Variants in STAG2 observed in about 807,000 individuals in gnomAD.
STAG2 encodes STAG2 cohesin complex component.
STAG2 carries 14 observed loss-of-function variants against 108.1 expected under a neutral mutation model. The observed-to-expected ratio is 0.13, with a 90% CI of 0.09 to 0.20. STAG2 has a LOEUF of 0.20. STAG2 is among the 10% of genes least tolerant of loss of function. The pLI, the probability that STAG2 is intolerant of heterozygous loss-of-function variation, is 1.00. For missense variants in STAG2, 440 were observed against 940.9 expected (o/e 0.47, Z 6.96); for synonymous variants, 307 against 302.7 (o/e 1.01, Z -0.15).
At chrX:124,047,576 T>C (rs1430008632) in intron 9 of STAG2, 71 bp downstream of exon 9, 2 of 867,101 alleles carry the variant, frequency 2.3e-6, no homozygotes, top group Non-Finnish European at 3.3e-6. Context: ...GATATAACTT[T>C]GCTAGTGGCT....
rs375072936 is a variant in STAG2 at position 124,061,359 on chromosome X, T to A, written c.1534+18T>A. The A allele has an allele frequency of 8.1e-6, 9 of 1,112,111 alleles. No individual in the cohort carries two copies. The highest frequency in any genetic ancestry group is 1.8e-5 in the African/African-American group (1 of 55,259). 91.7% of individuals were successfully genotyped at this position (1,112,111 alleles called of 1,213,427 possible). On this transcript the variant is annotated intron_variant, in intron 16 of 34. Transcript: ENST00000371145. Reference sequence around the variant, plus strand: ...AGAGGAAGGTAAGGATGTTTAATTATGATATTTTTGTTTAGACAGTTTTGT... The same window carrying A: ...AGAGGAAGGTAAGGATGTTTAATTAAGATATTTTTGTTTAGACAGTTTTGT...
chrX:124,084,262 G>A (rs1198037994), intron 29 of STAG2, among the ~76,000 whole-genome samples: 1 of 111,224 alleles, frequency 9.0e-6, no homozygotes, highest in African/African-American at 3.3e-5. Context: ...AATGTATGGT[G>A]ATAAAAATTA....
intron 1 of STAG2, among the ~76,000 whole-genome samples, chrX:124,017,173 A>AT (rs2056758056): frequency 9.2e-6 from 1 of 109,125 alleles, no homozygotes; most frequent in African/African-American, 3.3e-5. Flanking sequence ...GTAGCTTTTC[A>AT]TTTTTTTGTC....
intron 1 of STAG2, among the ~76,000 whole-genome samples, chrX:124,010,700 TATA>T (rs1409857050): frequency 1.8e-5 from 2 of 111,431 alleles, no homozygotes; most frequent in Non-Finnish European, 3.8e-5. Context: ...GTTGTTTTGT[TATA>T]ATGTTGATGA....
chrX:124,095,531 C>A, intron 34 of STAG2, 82 bp downstream of exon 34: 1 of 746,453 alleles, frequency 1.3e-6, no homozygotes, highest in Non-Finnish European at 2.1e-6. Flanking sequence ...AGACCTGGGG[C>A]AGCATACTGA....
In STAG2 at chrX:124,015,758, T is replaced by C. The variant is rs142313396; in HGVS notation, c.-162-5609T>C. Among the ~76,000 whole-genome samples, 806 of 112,257 alleles carry C rather than the reference T, an allele frequency of 7.2e-3. 7 individuals carry two copies. Among genetic ancestry groups the C allele is most frequent in the African/African-American group, 0.025 (758 of 30,935 alleles). The stretch of plus-strand genomic sequence containing the variant: ...AGATATTTATGTCCACATTTTGGGT[T>C]AGCTTTTCATTTTTTTGCCCGCATG... On this transcript the variant is annotated intron_variant, in intron 1 of 34. Coordinates refer to ENST00000371145, the MANE Select transcript of STAG2 (RefSeq NM_001042750.2).
Position 124,094,935 on chromosome X carries a change from GT to G in STAG2, c.3706-427del, listed in dbSNP as rs111768143. Among the ~76,000 whole-genome samples, 99 of 106,874 alleles carry G rather than the reference GT, an allele frequency of 9.3e-4. No individual in the cohort carries two copies. The Middle Eastern group carries it at 0.02, about 21-fold the overall frequency. The allele number at this position is 106,874 out of a possible 115,157, so 92.8% of individuals were successfully genotyped here. ...TGTCTCTTAGGATAATTTTCCATGA[GT>G]TTTTTTTTTGAGATGGAGTCTTGCT... On this transcript the variant is annotated intron_variant, in intron 33 of 34. Coordinates refer to ENST00000371145, the MANE Select transcript of STAG2 (RefSeq NM_001042750.2).
At chrX:124,087,731 G>T (rs1409128252) in intron 30 of STAG2, among the ~76,000 whole-genome samples, 3 of 112,438 alleles carry the variant, frequency 2.7e-5, no homozygotes, top group Non-Finnish European at 5.6e-5. Context: ...GAGATTCTAG[G>T]GGAGAGGACA....
chrX:124,054,244 T>C (rs1372018910), intron 13 of STAG2, among the ~76,000 whole-genome samples: 2 of 112,320 alleles, frequency 1.8e-5, no homozygotes, highest in African/African-American at 6.5e-5. Flanking sequence ...ATTAAATTAG[T>C]ATGTAAGATA....
At chrX:124,005,814 C>T (rs2056257959) in intron 1 of STAG2, among the ~76,000 whole-genome samples, 1 of 111,182 alleles carries the variant, frequency 9.0e-6, no homozygotes, top group Admixed American at 9.6e-5. Flanking sequence ...ATTTATTGTT[C>T]TGGAGGCAAG....
chrX:124,053,208 T>A (rs925232355), intron 13 of STAG2, among the ~76,000 whole-genome samples: 2 of 112,359 alleles, frequency 1.8e-5, no homozygotes, highest in Non-Finnish European at 3.8e-5. Flanking sequence ...ACCAAGCACT[T>A]GGGTGGTATG....
chrX:124,044,764 A>G (rs1332391047), intron 7 of STAG2, among the ~76,000 whole-genome samples: 1 of 112,349 alleles, frequency 8.9e-6, no homozygotes, highest in East Asian at 2.8e-4. Flanking sequence ...TATACATCAT[A>G]CATTTTATTT....
At chrX:123,980,616 A>C (rs940883154) in intron 1 of STAG2, among the ~76,000 whole-genome samples, 1 of 111,753 alleles carries the variant, frequency 8.9e-6, no homozygotes, top group Non-Finnish European at 1.9e-5. Context: ...TTCTTCTCCC[A>C]CACTGGGTCC....
chrX:124,041,664 CTCTCTCTTTCTCAGTCTGATGCCCCA>C (rs1265741742), intron 6 of STAG2, among the ~76,000 whole-genome samples: 1 of 111,084 alleles, frequency 9.0e-6, no homozygotes, highest in East Asian at 2.8e-4. Flanking sequence ...CTGCCCCCAT[CTCTCTCTTTCTCAGTCTGATGCCCCA>C]TCAGTGGAAG....
chrX:124,020,291 G>A (rs2056881617), intron 1 of STAG2, among the ~76,000 whole-genome samples: 1 of 111,662 alleles, frequency 9.0e-6, no homozygotes, highest in Admixed American at 9.6e-5. Flanking sequence ...AAATTATATT[G>A]AAGGAAAGCA....
intron 3 of STAG2, among the ~76,000 whole-genome samples, chrX:124,024,810 C>A (rs1229777360): frequency 9.0e-6 from 1 of 111,547 alleles, no homozygotes; most frequent in Non-Finnish European, 1.9e-5. Context: ...TTATTTTAAG[C>A]AGAGCTGGTG....
intron 20 of STAG2, 75 bp downstream of exon 20, chrX:124,064,126 T>A: frequency 1.3e-6 from 1 of 758,530 alleles, no homozygotes; most frequent in Non-Finnish European, 1.9e-6. Context: ...GTCACCCAAG[T>A]GTTAAGTCTT....
Position 124,026,523 on chromosome X carries a change from G to A in STAG2, c.123+605G>A, listed in dbSNP as rs2057110939. On this transcript the variant is annotated intron_variant, in intron 4 of 34. Transcript: ENST00000371145. The stretch of plus-strand genomic sequence containing the variant: ...AAAGTATATTTGACTCTGCATGTGT[G>A]TAAATACATTATGCAAAAGATAACT... 1.3e-5 allele frequency: 3 copies of A among 238,676 alleles called. No individual in the cohort carries two copies. In the South Asian group the frequency reaches 1.5e-4, roughly 12 times the overall value. 19.7% of individuals were successfully genotyped at this position (238,676 alleles called of 1,213,427 possible). A position where few individuals can be genotyped will look rare whatever the true frequency, so the allele number is the denominator to read the frequency against.
rs1266019731 is a variant in STAG2, at chrX:124,022,559, C to T, written c.-69C>T. 1.3e-5 allele frequency: 12 copies of T among 901,181 alleles called. No homozygotes were observed. Among genetic ancestry groups the T allele is most frequent in the Non-Finnish European group, 1.9e-5 (12 of 646,422 alleles). The allele number at this position is 901,181 out of a possible 1,213,427, so 74.3% of individuals were successfully genotyped here. ...TTGTCTTAGAAGAAAGAAGGCAAGC[C>T]ACCATTTTACCCACGTAAATATATG... On this transcript the variant is annotated 5_prime_UTR_variant, in exon 3 of 35. Coordinates refer to ENST00000371145, the MANE Select transcript of STAG2 (RefSeq NM_001042750.2).
Sources: gnomAD v4.1 joint callset for allele counts (sites outside exome capture counted in the v4.1 genomes callset) on GRCh38, gnomAD v4.1.1 for gene constraint, MANE v1.5 for transcripts, NCBI Gene and HGNC (gene_info 2026-07-23, HGNC 2026-07-21) for gene names.